SETBP1: variants seen among roughly 807,000 people sequenced by gnomAD.
The protein encoded by SETBP1 is SET-binding protein.
Under a neutral mutation model 101.0 loss-of-function variants are expected in SETBP1, and 9 were observed. That is an observed-to-expected ratio of 0.09 (90% confidence interval 0.05 to 0.16). The LOEUF (loss-of-function observed/expected upper bound fraction) is 0.16, where lower values mean the gene tolerates loss of function less well. Ranked by LOEUF, SETBP1 falls within the 10% of genes least tolerant of loss-of-function variation. The pLI is 1.00. For synonymous variants in SETBP1, 818 were observed against 788.5 expected (o/e 1.04, Z -0.63); for missense variants, 1,858 against 2,033.8 (o/e 0.91, Z 1.66).
intron 4 of SETBP1, among the ~76,000 whole-genome samples, chr18:45,022,202 A>G (rs1489384360): frequency 6.6e-6 from 1 of 152,144 alleles, no homozygotes; most frequent in Non-Finnish European, 1.5e-5. Context: ...CCCACAGGTG[A>G]AATTCAAACT....
chr18:44,861,991 C>T lies in SETBP1; in HGVS notation c.487-7239C>T, dbSNP rs780116851. On this transcript the variant is annotated intron_variant, in intron 2 of 5. Transcript: ENST00000649279. ...TCTATATCAGGGCATTTGGAGGTCTCGTCTTTCATGTGGTCTCTAATTATC... is the reference window on the plus strand; with the variant it reads ...TCTATATCAGGGCATTTGGAGGTCTTGTCTTTCATGTGGTCTCTAATTATC... 3.0e-4 allele frequency among the ~76,000 whole-genome samples: 46 copies of T among 152,230 alleles called. 1 individual carries two copies. The highest frequency in any genetic ancestry group is 4.3e-4 in the Non-Finnish European group (29 of 68,018).
At chr18:44,764,650 T>C (rs1163003177) in intron 2 of SETBP1, among the ~76,000 whole-genome samples, 1 of 152,118 alleles carries the variant, frequency 6.6e-6, no homozygotes, top group Non-Finnish European at 1.5e-5. Flanking sequence ...ATTTTTTGTA[T>C]TTTTAGTAGA....
At chr18:44,780,952 A>T (rs1436400712) in intron 2 of SETBP1, among the ~76,000 whole-genome samples, 1 of 152,188 alleles carries the variant, frequency 6.6e-6, no homozygotes, top group Non-Finnish European at 1.5e-5. Context: ...CGGGGGAAAG[A>T]GTTCCAGAGA....
At chr18:44,746,316 A>G (rs2070246168) in intron 2 of SETBP1, among the ~76,000 whole-genome samples, 1 of 152,248 alleles carries the variant, frequency 6.6e-6, no homozygotes. Flanking sequence ...ATGATAGTAC[A>G]ATAGTCATAG....
At chr18:44,724,379 T>G (rs1332500555) in intron 2 of SETBP1, among the ~76,000 whole-genome samples, 2 of 149,962 alleles carry the variant, frequency 1.3e-5, no homozygotes, top group East Asian at 2.0e-4. Context: ...CTAATCTCAG[T>G]GACATGCCCA....
intron 5 of SETBP1, among the ~76,000 whole-genome samples, chr18:45,043,009 G>A (rs1717833044): frequency 6.6e-6 from 1 of 152,196 alleles, no homozygotes; most frequent in African/African-American, 2.4e-5. Flanking sequence ...CGCCACTAAA[G>A]TTTGCTCAAA....
intron 2 of SETBP1, among the ~76,000 whole-genome samples, chr18:44,825,315 T>C (rs1454391728): frequency 1.3e-5 from 2 of 152,224 alleles, no homozygotes; most frequent in African/African-American, 4.8e-5. Context: ...GGAGGACTGA[T>C]GTGGGCTGTG....
At chr18:44,880,264 G>A (rs2069499832) in intron 3 of SETBP1, among the ~76,000 whole-genome samples, 1 of 152,208 alleles carries the variant, frequency 6.6e-6, no homozygotes, top group Non-Finnish European at 1.5e-5. Flanking sequence ...TTGGGGGAGT[G>A]AGAGGGCATC....
chr18:44,876,492 G>A, intron 3 of SETBP1: 1 of 1,039,058 alleles, frequency 9.6e-7, no homozygotes, highest in Non-Finnish European at 1.5e-6. Flanking sequence ...GGATTGAATT[G>A]GTCTGGGTGG....
chr18:44,955,250 A>C (rs981362397), intron 4 of SETBP1, among the ~76,000 whole-genome samples: 4 of 152,122 alleles, frequency 2.6e-5, no homozygotes, highest in African/African-American at 9.7e-5. Context: ...TTTATATCGC[A>C]TTCATCACTT....
intron 2 of SETBP1, among the ~76,000 whole-genome samples, chr18:44,761,966 T>C (rs1191306942): frequency 2.6e-5 from 4 of 152,144 alleles, no homozygotes; most frequent in African/African-American, 9.7e-5. Flanking sequence ...TGGTAGGTCT[T>C]TGTGCATGAC....
At position 44,951,326 on chromosome 18, in the gene SETBP1, C is replaced by T. The variant is rs756258933; in HGVS notation, c.1986C>T (p.Thr662=). The change falls in exon 4 of 6, where the codon ACC becomes ACT. Residue 662 remains threonine (T), a synonymous_variant. Transcript: ENST00000649279. This position sits in a 1 kb window ranked among gnomAD's most constrained non-coding sequence, Gnocchi z 7.8. The part of the protein sequence containing the change: ...VGKLGVLDKK[T]IKTINKMKTL... ...AGCTCGGCGTGTTGGATAAGAAGAC[C>T]ATCAAAACTATCAATAAGATGAAGA... The T allele has an allele frequency of 6.2e-7, 1 of 1,613,662 alleles. No homozygotes were observed. The highest frequency in any genetic ancestry group is 1.3e-5 in the African/African-American group (1 of 75,020).
chr18:45,025,194 T>C (rs1295624772), intron 4 of SETBP1, among the ~76,000 whole-genome samples: 1 of 152,210 alleles, frequency 6.6e-6, no homozygotes, highest in Non-Finnish European at 1.5e-5. Flanking sequence ...GAATACTACC[T>C]TGGCTTTCTC....
chr18:44,775,199 G>T (rs1012575272), intron 2 of SETBP1, among the ~76,000 whole-genome samples: 4 of 151,820 alleles, frequency 2.6e-5, no homozygotes, highest in African/African-American at 9.7e-5. Flanking sequence ...AATATTTTTT[G>T]GTCAGTTACT....
At chr18:44,840,128 ATG>A (rs61577371) in intron 2 of SETBP1, among the ~76,000 whole-genome samples, 8,138 of 152,230 alleles carry the variant, frequency 0.053, 707 homozygotes, top group African/African-American at 0.18. Context: ...GCACCCTGCC[ATG>A]TGTACACTTC....
intron 2 of SETBP1, among the ~76,000 whole-genome samples, chr18:44,807,764 C>A (rs937217059): frequency 2.0e-5 from 3 of 152,142 alleles, no homozygotes; most frequent in African/African-American, 7.2e-5. Context: ...AACCCAACAT[C>A]TTTTCCAGCC....
intron 4 of SETBP1, among the ~76,000 whole-genome samples, chr18:44,964,561 T>C (rs192456196): frequency 7.7e-4 from 116 of 150,684 alleles, no homozygotes; most frequent in African/African-American, 2.6e-3. Context: ...ACCTATAACA[T>C]GGAATTATTT....
chr18:44,731,878 G>A (rs2069845289), intron 2 of SETBP1, among the ~76,000 whole-genome samples: 1 of 152,210 alleles, frequency 6.6e-6, no homozygotes, highest in African/African-American at 2.4e-5. Context: ...TGTCTGTTCA[G>A]AGTAGACTCT....
chr18:44,794,579 T>A (rs58101603), intron 2 of SETBP1, among the ~76,000 whole-genome samples: 4,718 of 152,144 alleles, frequency 0.031, 248 homozygotes, highest in African/African-American at 0.11. Flanking sequence ...AGAAGAGGAT[T>A]TTGAAGTTTG....
Sources: allele counts gnomAD v4.1 joint callset (sites outside exome capture counted in the v4.1 genomes callset), GRCh38; gene constraint gnomAD v4.1.1; non-coding constraint Gnocchi (gnomAD v3.1); transcripts MANE v1.5; gene names NCBI Gene and HGNC (gene_info 2026-07-23, HGNC 2026-07-21).